PRKG1: variants seen among roughly 807,000 people sequenced by gnomAD.
PRKG1 encodes the protein protein kinase cGMP-dependent 1.
PRKG1 carries 35 observed loss-of-function variants against 88.1 expected under a neutral mutation model. The ratio of observed to expected loss-of-function variants is 0.40; its 90% CI spans 0.30 to 0.53. The LOEUF (loss-of-function observed/expected upper bound fraction) is 0.53. Among genes scored for constraint, PRKG1 ranks in the 20% least tolerant of loss-of-function variants. The pLI is 0.59. For synonymous variants in PRKG1, 303 were observed against 292.5 expected, an observed-to-expected ratio of 1.04 and a Z score of -0.37; for missense variants, 540 against 839.8, an observed-to-expected ratio of 0.64 and a Z score of 4.41.
intron 3 of PRKG1, among the ~76,000 whole-genome samples, chr10:51,680,195 G>T (rs568510841): frequency 6.6e-6 from 1 of 152,096 alleles, no homozygotes; most frequent in South Asian, 2.1e-4. Context: ...CGGATAAAAG[G>T]TAGCTGATAA....
chr10:51,097,315 T>C (rs1844554674), intron 1 of PRKG1, among the ~76,000 whole-genome samples: 1 of 152,106 alleles, frequency 6.6e-6, no homozygotes, highest in Non-Finnish European at 1.5e-5. Context: ...TTCCGCCCCC[T>C]GGGTTCAAGT....
At chr10:51,728,453 G>GTTTTTTT (rs56975031) in intron 3 of PRKG1, among the ~76,000 whole-genome samples, 11 of 58,806 alleles carry the variant, frequency 1.9e-4, no homozygotes, top group African/African-American at 3.7e-4. Flanking sequence ...TTTTTTCTTT[G>GTTTTTTT]TTTTTTTTTT....
rs568417080 is a variant in PRKG1 at position 52,001,614 on chromosome 10, A to G, written c.763-52870A>G. 2.0e-5 allele frequency among the ~76,000 whole-genome samples: 3 copies of G among 152,036 alleles called. No homozygotes were observed. The South Asian group carries it at 6.2e-4, about 32-fold the overall frequency. ...AAAATCTGTTAAGTGGTATTTAAAT[A>G]TAAGACTCTCTATCTTAATAGCAGA... is the stretch of plus-strand genomic sequence containing the variant. On this transcript the variant is annotated intron_variant, in intron 5 of 17. Transcript: ENST00000373980.
intron 1 of PRKG1, among the ~76,000 whole-genome samples, chr10:50,994,791 A>G (rs1327411321): frequency 1.4e-5 from 2 of 141,930 alleles, no homozygotes; most frequent in African/African-American, 2.7e-5. Context: ...GATTCAACCA[A>G]CTGAGGATCA....
At chr10:51,850,260 T>C (rs963010326) in intron 4 of PRKG1, among the ~76,000 whole-genome samples, 1 of 152,190 alleles carries the variant, frequency 6.6e-6, no homozygotes, top group African/African-American at 2.4e-5. Context: ...CACTGCAAAC[T>C]CTGCATCCCG....
chr10:51,660,025 G>A (rs998190139), intron 3 of PRKG1, among the ~76,000 whole-genome samples: 4 of 151,440 alleles, frequency 2.6e-5, no homozygotes, highest in African/African-American at 4.9e-5. Flanking sequence ...TTTGAGATAC[G>A]CTTTTGAGAT....
intron 1 of PRKG1, among the ~76,000 whole-genome samples, chr10:51,016,692 T>TTTTTTTTTTTTTTTTTTTTTTTTTTTTTC (rs1554830040): frequency 1.5e-5 from 2 of 133,244 alleles, no homozygotes; most frequent in African/African-American, 5.9e-5. Flanking sequence ...TTTTTTTTTT[T>TTTTTTTTTTTTTTTTTTTTTTTTTTTTTC]GGAATCTTGC....
intron 8 of PRKG1, among the ~76,000 whole-genome samples, chr10:52,148,524 A>C (rs1482531021): frequency 6.6e-6 from 1 of 152,224 alleles, no homozygotes; most frequent in African/African-American, 2.4e-5. Context: ...GAATAGAAAA[A>C]AAAAGGCAAA....
rs1454364180 is a variant in PRKG1, at chr10:52,233,433, G to C, written c.1077-18137G>C. On this transcript the variant is annotated intron_variant, in intron 9 of 17. Transcript: ENST00000373980. ...TCATCTCACTAGGGAGTGCCAGACA[G>C]TGGGCGCAGGCCAGTGGGTGCGTGC... 3.8e-3 allele frequency among the ~76,000 whole-genome samples: 575 copies of C among 150,076 alleles called. 1 individual carries two copies. The highest frequency in any genetic ancestry group is 5.4e-3 in the Non-Finnish European group (362 of 67,398).
chr10:51,791,335 C>T (rs1312094597), intron 3 of PRKG1, among the ~76,000 whole-genome samples: 2 of 152,070 alleles, frequency 1.3e-5, no homozygotes, highest in Admixed American at 1.3e-4. Context: ...CTCAAAAATG[C>T]CTATAAAATG....
chr10:51,846,753 G>C (rs1005016463), intron 4 of PRKG1, among the ~76,000 whole-genome samples: 1 of 152,094 alleles, frequency 6.6e-6, no homozygotes, highest in African/African-American at 2.4e-5. Flanking sequence ...TTAATTGCTT[G>C]AAGATGTTTT....
chr10:51,153,093 C>CCAGA, intron 1 of PRKG1, 71 bp from the exon 2 acceptor site: 2 of 1,411,084 alleles, frequency 1.4e-6, no homozygotes, highest in South Asian at 2.8e-5. Context: ...CACTCTATGG[C>CCAGA]GCTGCTAAAC....
At chr10:51,035,651 G>A (rs566053467) in intron 1 of PRKG1, among the ~76,000 whole-genome samples, 31 of 152,186 alleles carry the variant, frequency 2.0e-4, no homozygotes, top group African/African-American at 7.2e-4. Flanking sequence ...TCTGATATAT[G>A]TGAATTGCTC....
chr10:51,193,856 C>T (rs1261516071), intron 2 of PRKG1, among the ~76,000 whole-genome samples: 2 of 152,108 alleles, frequency 1.3e-5, no homozygotes, highest in Non-Finnish European at 2.9e-5. Flanking sequence ...CACATTTGTG[C>T]CTATAATCAC....
At chr10:51,489,987 C>T (rs1020653122) in intron 3 of PRKG1, among the ~76,000 whole-genome samples, 1 of 152,156 alleles carries the variant, frequency 6.6e-6, no homozygotes, top group Admixed American at 6.6e-5. Context: ...GGGATGGCCA[C>T]TGGAAACTTT....
intron 10 of PRKG1, among the ~76,000 whole-genome samples, chr10:52,269,494 T>C (rs1460469600): frequency 1.3e-5 from 2 of 152,082 alleles, no homozygotes; most frequent in African/African-American, 4.8e-5. Flanking sequence ...TCATGCTCCC[T>C]CCTAAGGAAC....
At chr10:52,175,611 G>A (rs189000794) in intron 9 of PRKG1, among the ~76,000 whole-genome samples, 5 of 151,922 alleles carry the variant, frequency 3.3e-5, no homozygotes, top group Non-Finnish European at 7.4e-5. Flanking sequence ...CATTCCCACC[G>A]ACGGTATACA....
At chr10:51,766,804 C>T (rs551686606) in intron 3 of PRKG1, among the ~76,000 whole-genome samples, 23 of 152,136 alleles carry the variant, frequency 1.5e-4, no homozygotes, top group African/African-American at 5.1e-4. Context: ...GGGTGGGGTG[C>T]GGGGAGGAGT....
intron 3 of PRKG1, among the ~76,000 whole-genome samples, chr10:51,700,902 A>G (rs994654090): frequency 6.6e-6 from 1 of 152,244 alleles, no homozygotes; most frequent in Admixed American, 6.5e-5. Flanking sequence ...AATCATTTTG[A>G]AGAACACTAA....
Sources: allele counts gnomAD v4.1 joint callset (sites outside exome capture counted in the v4.1 genomes callset), GRCh38; gene constraint gnomAD v4.1.1; transcripts MANE v1.5; gene names NCBI Gene and HGNC (gene_info 2026-07-23, HGNC 2026-07-21).